The following CFDP1 variants were observed in gnomAD, a reference collection of about 807,000 sequenced individuals.
The protein encoded by CFDP1 is heterochromatin-stabilizing protein CFDP1.
Under a neutral mutation model 40.1 loss-of-function variants are expected in CFDP1, and 31 were observed. The observed-to-expected ratio is 0.77, with a 90% CI of 0.58 to 1.04. CFDP1 has a LOEUF of 1.04. CFDP1 is among the 50% of genes least tolerant of loss of function. CFDP1 has a pLI of 0.00. For missense variants in CFDP1, 423 were observed against 343.4 expected, an observed-to-expected ratio of 1.23 and a Z score of -1.83; for synonymous variants, 167 against 120.0, an observed-to-expected ratio of 1.39 and a Z score of -2.56.
At chr16:75,417,804 T>C (rs2079224998) in intron 1 of CFDP1, among the ~76,000 whole-genome samples, 1 of 152,006 alleles carries the variant, frequency 6.6e-6, no homozygotes, top group Non-Finnish European at 1.5e-5. Context: ...TTCATCAAGA[T>C]GCATTCCAAA....
At chr16:75,345,607 T>C (rs2078557689) in intron 5 of CFDP1, among the ~76,000 whole-genome samples, 1 of 152,206 alleles carries the variant, frequency 6.6e-6, no homozygotes, top group African/African-American at 2.4e-5. Flanking sequence ...ATCATGTCAC[T>C]GTTCTCCTCC....
chr16:75,361,835 C>T (rs2078681430), intron 5 of CFDP1, among the ~76,000 whole-genome samples: 1 of 152,106 alleles, frequency 6.6e-6, no homozygotes, highest in African/African-American at 2.4e-5. Context: ...CGTCTGTTTC[C>T]TCTTTGGGTC....
intron 6 of CFDP1, among the ~76,000 whole-genome samples, chr16:75,303,397 A>G (rs1567639311): frequency 1.5e-4 from 21 of 136,472 alleles, no homozygotes; most frequent in African/African-American, 5.3e-4. Context: ...AAATAAATAA[A>G]TAAATGTATG....
intron 5 of CFDP1, among the ~76,000 whole-genome samples, chr16:75,310,359 C>G (rs1457204150): frequency 1.3e-5 from 2 of 152,082 alleles, no homozygotes; most frequent in Non-Finnish European, 2.9e-5. Context: ...TCCCACCATG[C>G]CAAACCAAGA....
At chr16:75,412,866 G>T in intron 2 of CFDP1, 112 bp from the exon 3 acceptor site, 1 of 776,714 alleles carries the variant, frequency 1.3e-6, no homozygotes, top group Non-Finnish European at 2.1e-6. Flanking sequence ...TAAATTCTGG[G>T]ACTACTGGTT....
intron 5 of CFDP1, among the ~76,000 whole-genome samples, chr16:75,379,019 A>G (rs2078828593): frequency 6.6e-6 from 1 of 152,090 alleles, no homozygotes; most frequent in African/African-American, 2.4e-5. Flanking sequence ...AGAAAGTCTC[A>G]AGGGAATTAA....
chr16:75,314,082 G>A (rs1469931742), intron 5 of CFDP1, among the ~76,000 whole-genome samples: 8 of 152,008 alleles, frequency 5.3e-5, no homozygotes, highest in Non-Finnish European at 1.5e-5. Context: ...ATGGGGTTTC[G>A]CCATGTTGGC....
chr16:75,406,051 G>T (rs912624036), intron 4 of CFDP1, among the ~76,000 whole-genome samples: 1 of 151,626 alleles, frequency 6.6e-6, no homozygotes, highest in Non-Finnish European at 1.5e-5. Context: ...GGACCACCTT[G>T]GGCAACACAG....
At chr16:75,333,205 G>A (rs533493754) in intron 5 of CFDP1, among the ~76,000 whole-genome samples, 1 of 147,820 alleles carries the variant, frequency 6.8e-6, no homozygotes, top group South Asian at 2.1e-4. Context: ...CTCACTGCAA[G>A]CTCTGCCTCC....
chr16:75,357,418 C>T (rs1424567959), intron 5 of CFDP1, among the ~76,000 whole-genome samples: 1 of 151,922 alleles, frequency 6.6e-6, no homozygotes. Context: ...CCATGACCAG[C>T]TAATTTTTGT....
At chr16:75,307,609 A>AG (rs1451662956) in intron 5 of CFDP1, among the ~76,000 whole-genome samples, 3 of 152,170 alleles carry the variant, frequency 2.0e-5, no homozygotes, top group Admixed American at 2.0e-4. Context: ...CCCAGGCTAG[A>AG]GTACACCAGT....
At chr16:75,337,392 C>G (rs1280960078) in intron 5 of CFDP1, among the ~76,000 whole-genome samples, 1 of 152,222 alleles carries the variant, frequency 6.6e-6, no homozygotes, top group Non-Finnish European at 1.5e-5. Flanking sequence ...AAACACAGAG[C>G]TACTTTGAGG....
At position 75,341,131 on chromosome 16, in the gene CFDP1, A is replaced by T. The variant is rs145123341; in HGVS notation, c.651-35949T>A. ...TAATGCTTTCTTCCCTCTCCAGTTA[A>T]TTATTCCTAATGATGCTATGTGCAT... On this transcript the variant is annotated intron_variant, in intron 5 of 6. Coordinates refer to ENST00000283882, the MANE Select transcript of CFDP1 (RefSeq NM_006324.3). Among the ~76,000 whole-genome samples the T allele has an allele frequency of 1.4e-3, 219 of 152,298 alleles. 2 individuals carry two copies. Among genetic ancestry groups the T allele is most frequent in the African/African-American group, 5.0e-3 (208 of 41,560 alleles).
chr16:75,350,994 C>CA (rs138729725), intron 5 of CFDP1, among the ~76,000 whole-genome samples: 11,699 of 150,516 alleles, frequency 0.078, 454 homozygotes, highest in Middle Eastern at 0.13. Flanking sequence ...AATCTAATGA[C>CA]AAAAAAAAAC....
rs115551370 is a variant in CFDP1 at position 75,417,121 on chromosome 16, T to C, written c.65-2426A>G. 1.5e-3 allele frequency among the ~76,000 whole-genome samples: 230 copies of C among 151,740 alleles called. 1 individual carries two copies. The highest frequency in any genetic ancestry group is 5.5e-3 in the African/African-American group (227 of 41,374). ...AGGAGGTCAAGGCTGAAGTGAGCCA[T>C]GAACACGCTACTGCATTCCAGCCTG... On this transcript the variant is annotated intron_variant, in intron 1 of 6. Transcript: ENST00000283882.
chr16:75,390,243 C>A (rs759358208), intron 5 of CFDP1, among the ~76,000 whole-genome samples: 4 of 152,214 alleles, frequency 2.6e-5, no homozygotes, highest in Non-Finnish European at 5.9e-5. Flanking sequence ...AGGAGCTGCT[C>A]TGTGAGGACA....
At chr16:75,297,542 C>T (rs1043619238) in intron 6 of CFDP1, among the ~76,000 whole-genome samples, 11 of 152,130 alleles carry the variant, frequency 7.2e-5, no homozygotes, top group Admixed American at 5.2e-4. Context: ...ATGGGAATCA[C>T]GGCTCTTGCT....
intron 2 of CFDP1, 33 bp from the exon 3 acceptor site, chr16:75,412,787 A>C: frequency 6.5e-7 from 1 of 1,542,664 alleles, no homozygotes; most frequent in Non-Finnish European, 8.9e-7. Flanking sequence ...AAAAGGAAAG[A>C]CAGCACAAAA....
chr16:75,293,883 C>T lies in CFDP1; in HGVS notation c.*69G>A, dbSNP rs2078163184. Reference sequence around the variant, plus strand: ...ACAGATGATGAGAAACACTGTAAAACATTTCACAGACGCACAAAAAGCTCA... The same window carrying T: ...ACAGATGATGAGAAACACTGTAAAATATTTCACAGACGCACAAAAAGCTCA... On this transcript the variant is annotated 3_prime_UTR_variant, in exon 7 of 7. Transcript: ENST00000283882. 2.3e-6 allele frequency: 3 copies of T among 1,299,724 alleles called. No homozygotes were observed. Among genetic ancestry groups the T allele is most frequent in the Admixed American group, 1.7e-5 (1 of 57,772 alleles). 80.5% of individuals were successfully genotyped at this position (1,299,724 alleles called of 1,614,324 possible).
Sources: gnomAD v4.1 joint callset for allele counts (sites outside exome capture counted in the v4.1 genomes callset) on GRCh38, gnomAD v4.1.1 for gene constraint, MANE v1.5 for transcripts, NCBI Gene and HGNC (gene_info 2026-07-23, HGNC 2026-07-21) for gene names.